LRRFIP2: variants seen among roughly 807,000 people sequenced by gnomAD.
LRRFIP2 encodes leucine-rich repeat flightless-interacting protein 2.
In LRRFIP2, 109 loss-of-function variants were observed where a neutral mutation model predicts 125.9. That is an observed-to-expected ratio of 0.87 (90% CI 0.74 to 1.01). The LOEUF (loss-of-function observed/expected upper bound fraction) is 1.01. Among genes scored for constraint, LRRFIP2 ranks in the 50% least tolerant of loss-of-function variants. LRRFIP2 has a pLI of 0.00. For synonymous variants in LRRFIP2, 291 were observed against 293.1 expected, an observed-to-expected ratio of 0.99 and a Z score of 0.07; for missense variants, 850 against 862.3, an observed-to-expected ratio of 0.99 and a Z score of 0.18.
Position 37,072,799 on chromosome 3 carries a change from T to C in LRRFIP2, c.1455A>G (p.Lys485=). Residue 485 remains lysine (K), a synonymous_variant, in exon 21 of 28, where the codon AAA becomes AAG. Transcript: ENST00000336686. ...CAATTTCATTTCATACCCCAATTTT[T>C]TTATCTTTCCAAAGAAGTGTCTCCT... ...DLQETLLWKD[K]KIGALEKQKE... 1 of 1,611,168 alleles carries C rather than the reference T, an allele frequency of 6.2e-7. No homozygotes were observed. The highest frequency in any genetic ancestry group is 8.5e-7 in the Non-Finnish European group (1 of 1,177,740).
At position 37,148,956 on chromosome 3, in the gene LRRFIP2, T is replaced by C. The variant is rs1313890439; in HGVS notation, c.28A>G (p.Arg10Gly). The change falls in exon 2 of 28, where the codon AGA (arginine) becomes GGA (glycine). Residue 10 changes from arginine to glycine, a missense_variant. By Grantham distance (125) the Arg-to-Gly change is moderately radical. Coordinates refer to ENST00000336686, the MANE Select transcript of LRRFIP2 (RefSeq NM_006309.4). Reference protein sequence around the residue: MGTPASGRKRTPVKDRFSAE... With the variant: MGTPASGRKGTPVKDRFSAE... ...GAAAATCGGTCTTTCACAGGTGTTCTTTTCCTTCCAGAAGCAGGAGTCCCC... is the reference window on the plus strand; with the variant it reads ...GAAAATCGGTCTTTCACAGGTGTTCCTTTCCTTCCAGAAGCAGGAGTCCCC... 3.1e-6 allele frequency: 5 copies of C among 1,614,036 alleles called. No individual in the cohort carries two copies. Among genetic ancestry groups the C allele is most frequent in the Non-Finnish European group, 4.2e-6 (5 of 1,179,938 alleles).
At chr3:37,090,778 C>T (rs1017181815) in intron 18 of LRRFIP2, among the ~76,000 whole-genome samples, 1 of 152,098 alleles carries the variant, frequency 6.6e-6, no homozygotes, top group African/African-American at 2.4e-5. Context: ...AGATCTGTGT[C>T]ATCTTTTTTG....
intron 2 of LRRFIP2, among the ~76,000 whole-genome samples, chr3:37,131,252 A>C (rs1259987202): frequency 3.9e-5 from 6 of 152,046 alleles, no homozygotes; most frequent in African/African-American, 1.5e-4. Flanking sequence ...CTCTTCACAA[A>C]CTGTTTGGCA....
chr3:37,112,290 CG>C (rs1427090832), intron 8 of LRRFIP2, among the ~76,000 whole-genome samples: 37 of 148,062 alleles, frequency 2.5e-4, no homozygotes, highest in African/African-American at 9.0e-4. Context: ...GAGCCGAGAT[CG>C]CGCCATGCAC....
intron 1 of LRRFIP2, chr3:37,154,565 G>A (rs1247130017): frequency 6.6e-6 from 1 of 152,186 alleles, no homozygotes; most frequent in Admixed American, 6.5e-5. Flanking sequence ...CCCACATAGT[G>A]TCAAGTTGAT....
At chr3:37,176,312 G>A (rs2096662016), upstream of LRRFIP2, 1 of 152,296 alleles carries the variant, frequency 6.6e-6, no homozygotes, top group South Asian at 2.1e-4. Context: ...CGCAGCCTGA[G>A]CGGCCGACTG....
intron 2 of LRRFIP2, among the ~76,000 whole-genome samples, chr3:37,133,147 C>A (rs1258890125): frequency 6.6e-6 from 1 of 152,192 alleles, no homozygotes; most frequent in Non-Finnish European, 1.5e-5. Flanking sequence ...ATCACTTGAA[C>A]CCTGGAGGCA....
intron 13 of LRRFIP2, among the ~76,000 whole-genome samples, chr3:37,106,641 C>T (rs1464120189): frequency 6.6e-6 from 1 of 151,980 alleles, no homozygotes; most frequent in Non-Finnish European, 1.5e-5. Flanking sequence ...GCTACCCTCT[C>T]TAAATAAAAA....
chr3:37,149,172 T>C lies in LRRFIP2; in HGVS notation c.-55-134A>G, dbSNP rs2095940867. On this transcript the variant is annotated intron_variant, in intron 1 of 27. Transcript: ENST00000336686. ...ACTACCAAATTATTCCAATAAATTT[T>C]AGAATATTTAATTTTATACTAATTA... 2.0e-5 allele frequency: 12 copies of C among 610,936 alleles called. No individual in the cohort carries two copies. In the South Asian group the frequency reaches 3.1e-4, roughly 16 times the overall value. The allele number at this position is 610,936 out of a possible 1,614,324, so 37.8% of individuals were successfully genotyped here. A position where few individuals can be genotyped will look rare whatever the true frequency, so the allele number is the denominator to read the frequency against.
At chr3:37,166,238 G>A (rs889945246) in intron 1 of LRRFIP2, among the ~76,000 whole-genome samples, 5 of 152,110 alleles carry the variant, frequency 3.3e-5, no homozygotes, top group Non-Finnish European at 7.4e-5. Flanking sequence ...ACTGAGGCAG[G>A]AGAATAGCTT....
chr3:37,068,235 G>A (rs1035698964), intron 21 of LRRFIP2: 1 of 152,166 alleles, frequency 6.6e-6, no homozygotes, highest in Non-Finnish European at 1.5e-5. Context: ...GTATCTGCAT[G>A]CATAGTTATG....
At chr3:37,157,506 A>G (rs893163308) in intron 1 of LRRFIP2, among the ~76,000 whole-genome samples, 2 of 152,106 alleles carry the variant, frequency 1.3e-5, no homozygotes, top group African/African-American at 2.4e-5. Flanking sequence ...GAAGAGGAAA[A>G]CAAGGAAAGT....
At chr3:37,152,747 T>C (rs2096068593) in intron 1 of LRRFIP2, among the ~76,000 whole-genome samples, 1 of 152,104 alleles carries the variant, frequency 6.6e-6, no homozygotes, top group Non-Finnish European at 1.5e-5. Context: ...CGAAATGAAA[T>C]TTTTAAAAAA....
At chr3:37,167,937 T>C (rs992146983) in intron 1 of LRRFIP2, among the ~76,000 whole-genome samples, 7 of 152,128 alleles carry the variant, frequency 4.6e-5, no homozygotes, top group East Asian at 1.9e-4. Flanking sequence ...GGTCGGGCCA[T>C]TGCATTCCAG....
rs1462692477 is a variant in LRRFIP2 at position 37,060,598 on chromosome 3, C to T, written c.1750-1688G>A. On this transcript the variant is annotated intron_variant, in intron 24 of 27. Coordinates refer to ENST00000336686, the MANE Select transcript of LRRFIP2 (RefSeq NM_006309.4). This position sits in a 1 kb window ranked among gnomAD's most constrained non-coding sequence, Gnocchi z 4.1. ...GATTACAGACATGAGCCACCATGCC[C>T]GGCCCTTTTTTTTTTTGTACTTCCA... Among the ~76,000 whole-genome samples, 2 of 151,578 alleles carry T rather than the reference C, an allele frequency of 1.3e-5. No individual in the cohort carries two copies. Among genetic ancestry groups the T allele is most frequent in the Admixed American group, 6.6e-5 (1 of 15,208 alleles).
At chr3:37,074,917 G>A in intron 20 of LRRFIP2, 107 bp downstream of exon 20, 1 of 723,052 alleles carries the variant, frequency 1.4e-6, no homozygotes, top group Non-Finnish European at 2.4e-6. Flanking sequence ...CAAATATAAA[G>A]AGACAAACTC....
intron 24 of LRRFIP2, among the ~76,000 whole-genome samples, chr3:37,059,508 G>A (rs764000989): frequency 2.0e-5 from 3 of 152,212 alleles, no homozygotes; most frequent in Non-Finnish European, 4.4e-5. Flanking sequence ...AATAATTGGG[G>A]CTGGGCACGG....
chr3:37,102,302 G>GA (rs1234240505), intron 15 of LRRFIP2, among the ~76,000 whole-genome samples: 2 of 151,588 alleles, frequency 1.3e-5, no homozygotes, highest in South Asian at 4.2e-4. Context: ...ATAACTCAGG[G>GA]AAAAAAAGGA....
chr3:37,077,195 A>G (rs2092170143), intron 19 of LRRFIP2, among the ~76,000 whole-genome samples: 1 of 152,242 alleles, frequency 6.6e-6, no homozygotes, highest in South Asian at 2.1e-4. Context: ...CATCATAGAT[A>G]CATTGGCAAA....
Sources: allele counts gnomAD v4.1 joint callset (sites outside exome capture counted in the v4.1 genomes callset), GRCh38; gene constraint gnomAD v4.1.1; non-coding constraint Gnocchi (gnomAD v3.1); transcripts MANE v1.5; gene names NCBI Gene and HGNC (gene_info 2026-07-23, HGNC 2026-07-21).